The following FRMD6 variants were observed in gnomAD, a reference collection of about 807,000 sequenced individuals.
FRMD6 encodes FERM domain containing 6.
FRMD6 carries 37 observed loss-of-function variants against 73.2 expected under a neutral mutation model. That is an observed-to-expected ratio of 0.51 (90% CI 0.39 to 0.66). The LOEUF is 0.66. Ranked by LOEUF, FRMD6 falls within the 30% of genes least tolerant of loss-of-function variation. FRMD6 has a pLI of 0.00. For missense variants in FRMD6, 714 were observed against 780.5 expected, an observed-to-expected ratio of 0.91 and a Z score of 1.02; for synonymous variants, 273 against 282.2, an observed-to-expected ratio of 0.97 and a Z score of 0.33.
intron 2 of FRMD6, among the ~76,000 whole-genome samples, chr14:51,691,645 A>T (rs569841611): frequency 7.8e-6 from 1 of 127,988 alleles, no homozygotes; most frequent in African/African-American, 3.0e-5. Context: ...TCCAGGCTGC[A>T]GTGCAGTGGT....
At chr14:51,702,411 T>A (rs1250437970) in intron 4 of FRMD6, 101 bp from the exon 5 acceptor site, 2 of 928,428 alleles carry the variant, frequency 2.2e-6, no homozygotes, top group African/African-American at 3.3e-5. Flanking sequence ...CTATCAGTGA[T>A]CAAAAAGTAT....
At chr14:51,515,651 C>A (rs890069867) in intron 1 of FRMD6, among the ~76,000 whole-genome samples, 2 of 152,104 alleles carry the variant, frequency 1.3e-5, no homozygotes, top group Non-Finnish European at 2.9e-5. Context: ...CAGCAGTAGC[C>A]AGGACACCAA....
intron 1 of FRMD6, among the ~76,000 whole-genome samples, chr14:51,529,085 A>G (rs555523475): frequency 3.3e-5 from 5 of 152,242 alleles, no homozygotes; most frequent in Non-Finnish European, 7.3e-5. Context: ...CTTGGGGGAC[A>G]TGCTGACAGA....
intron 1 of FRMD6, chr14:51,546,722 T>C (rs1377952949): frequency 6.6e-6 from 1 of 152,114 alleles, no homozygotes; most frequent in East Asian, 1.9e-4. Flanking sequence ...CATGTATACA[T>C]GTAGAGCTAG....
At chr14:51,686,048 CT>C (rs1895127532) in intron 1 of FRMD6, among the ~76,000 whole-genome samples, 1 of 152,148 alleles carries the variant, frequency 6.6e-6, no homozygotes, top group Admixed American at 6.6e-5. Flanking sequence ...AAATTACCAG[CT>C]TTTTACTTTT....
At chr14:51,561,302 C>T (rs1887465982) in intron 1 of FRMD6, among the ~76,000 whole-genome samples, 1 of 152,144 alleles carries the variant, frequency 6.6e-6, no homozygotes, top group African/African-American at 2.4e-5. Flanking sequence ...TAACCCTAAC[C>T]CTGTAACAAA....
intron 12 of FRMD6, among the ~76,000 whole-genome samples, chr14:51,724,962 A>G (rs953544577): frequency 5.3e-5 from 8 of 152,094 alleles, no homozygotes; most frequent in African/African-American, 1.9e-4. Flanking sequence ...GCGGGTTTCC[A>G]CCGAGTGCTA....
intron 3 of FRMD6, among the ~76,000 whole-genome samples, chr14:51,699,241 C>T (rs1389570433): frequency 6.6e-6 from 1 of 152,074 alleles, no homozygotes; most frequent in African/African-American, 2.4e-5. Flanking sequence ...CAGCCATTTG[C>T]TCTTCAGTTT....
At chr14:51,420,706 A>C in the FRMD6 span, among the ~76,000 whole-genome samples, 1 of 152,218 alleles carries the variant, frequency 6.6e-6, no homozygotes, top group African/African-American at 2.4e-5. Context: ...GTATCATAGT[A>C]ATCTAGATAT....
intron 10 of FRMD6, among the ~76,000 whole-genome samples, chr14:51,716,126 G>A (rs370498573): frequency 6.4e-4 from 98 of 152,066 alleles, no homozygotes; most frequent in African/African-American, 2.3e-3. Context: ...CCCTGAAACG[G>A]GGATCATGTC....
intron 1 of FRMD6, among the ~76,000 whole-genome samples, chr14:51,569,507 C>CTTTTTTTTTTTTT (rs34661155): frequency 8.1e-5 from 10 of 122,798 alleles, no homozygotes; most frequent in Non-Finnish European, 1.0e-4. Flanking sequence ...TTCTTTCTTT[C>CTTTTTTTTTTTTT]TTTTTTTTTT....
chr14:51,414,762 C>T, the FRMD6 span, among the ~76,000 whole-genome samples: 3 of 152,116 alleles, frequency 2.0e-5, no homozygotes. Flanking sequence ...GCCATTTTCC[C>T]GATATTGATT....
At chr14:51,564,106 AC>A (rs1434899297) in intron 1 of FRMD6, among the ~76,000 whole-genome samples, 1 of 151,794 alleles carries the variant, frequency 6.6e-6, no homozygotes, top group African/African-American at 2.4e-5. Flanking sequence ...ATTACTTCAC[AC>A]CCCCACAGAT....
chr14:51,698,183 C>A lies in FRMD6; in HGVS notation c.141C>A (p.Asp47Glu), dbSNP rs1307390244. The A allele has an allele frequency of 6.2e-7, 1 of 1,612,592 alleles. No individual in the cohort carries two copies. Among genetic ancestry groups the A allele is most frequent in the Non-Finnish European group, 8.5e-7 (1 of 1,178,998 alleles). The change falls in exon 3 of 14, where the codon GAC becomes GAA. Residue 47 changes from aspartate (D) to glutamate (E), a missense_variant. Asp to Glu is a conservative substitution (Grantham distance 45, BLOSUM62 2). Transcript: ENST00000344768. ...LCHQLLVQVCDLLRLKDCHLF... is the reference protein window; with the variant it reads ...LCHQLLVQVCELLRLKDCHLF... ...ACCAGTTGCTGGTCCAGGTTTGTGA[C>A]CTGCTCAGGCTAAAGGACTGCCACC...
At chr14:51,634,603 T>C (rs1056696188) in intron 2 of FRMD6, among the ~76,000 whole-genome samples, 1 of 150,936 alleles carries the variant, frequency 6.6e-6, no homozygotes, top group East Asian at 1.9e-4. Context: ...CCAATGTCTA[T>C]AAAAAAGGAA....
intron 1 of FRMD6, among the ~76,000 whole-genome samples, chr14:51,657,441 T>G (rs1892912501): frequency 6.6e-6 from 1 of 152,242 alleles, no homozygotes; most frequent in Non-Finnish European, 1.5e-5. Flanking sequence ...TTTTAAACTG[T>G]TTTTGGACTG....
intron 10 of FRMD6, among the ~76,000 whole-genome samples, 163 bp downstream of exon 10, chr14:51,715,662 A>G (rs1897199212): frequency 6.6e-6 from 1 of 152,198 alleles, no homozygotes; most frequent in East Asian, 1.9e-4. Flanking sequence ...CCAGAAGGCA[A>G]AGGGTTAGGC....
At chr14:51,483,847 G>T in the FRMD6 span, among the ~76,000 whole-genome samples, 1 of 152,194 alleles carries the variant, frequency 6.6e-6, no homozygotes, top group African/African-American at 2.4e-5. Context: ...AGAGTGTATT[G>T]TTTGTTTCAT....
At chr14:51,530,010 T>C (rs2140327340) in intron 1 of FRMD6, among the ~76,000 whole-genome samples, 1 of 152,332 alleles carries the variant, frequency 6.6e-6, no homozygotes, top group Non-Finnish European at 1.5e-5. Context: ...TGGAGCCAGC[T>C]CCTACAAGCT....
Sources: gnomAD v4.1 joint callset for allele counts (sites outside exome capture counted in the v4.1 genomes callset) on GRCh38, gnomAD v4.1.1 for gene constraint, MANE v1.5 for transcripts, NCBI Gene and HGNC (gene_info 2026-07-23, HGNC 2026-07-21) for gene names.